Variants in ADAMTS2 observed in about 807,000 individuals in gnomAD.
ADAMTS2 encodes ADAM metallopeptidase with thrombospondin type 1 motif 2.
A neutral mutation model predicts 123.0 loss-of-function variants in ADAMTS2; 50 were observed. The ratio of observed to expected loss-of-function variants is 0.41; its 90% CI spans 0.32 to 0.51. The LOEUF is 0.51. Among genes scored for constraint, ADAMTS2 ranks in the 20% least tolerant of loss-of-function variants. The probability of loss-of-function intolerance (pLI) is 0.35; values close to 1 mark genes in which losing one functional copy is unlikely to be tolerated. For missense variants in ADAMTS2, 1,494 were observed against 1,705.2 expected, an observed-to-expected ratio of 0.88 and a Z score of 2.18; for synonymous variants, 678 against 695.4, an observed-to-expected ratio of 0.98 and a Z score of 0.39.
chr5:179,134,795 AGCCCCCAGC>A (rs1763026371), intron 13 of ADAMTS2, among the ~76,000 whole-genome samples: 9 of 26,376 alleles, frequency 3.4e-4, no homozygotes, highest in Non-Finnish European at 6.0e-4. Flanking sequence ...TCCCGGCTCC[AGCCCCCAGC>A]TCCCGGCTCC....
intron 3 of ADAMTS2, among the ~76,000 whole-genome samples, chr5:179,214,111 TAGGA>T (rs1308919782): frequency 1.1e-3 from 160 of 149,990 alleles, no homozygotes; most frequent in African/African-American, 3.8e-3. Flanking sequence ...TGAGACACAT[TAGGA>T]CACAACTCAA....
chr5:179,309,240 C>T (rs903796295), intron 2 of ADAMTS2, among the ~76,000 whole-genome samples: 9 of 152,212 alleles, frequency 5.9e-5, no homozygotes, highest in Admixed American at 3.3e-4. Context: ...TGGGGCAGAC[C>T]CAGTCCCACT....
At chr5:179,249,038 C>A (rs401795) in intron 3 of ADAMTS2, among the ~76,000 whole-genome samples, 1 of 152,160 alleles carries the variant, frequency 6.6e-6, no homozygotes, top group Non-Finnish European at 1.5e-5. Context: ...TACAAAGCAT[C>A]TTCTCCAACC....
chr5:179,134,062 C>T (rs187199868), intron 13 of ADAMTS2, among the ~76,000 whole-genome samples: 106 of 152,286 alleles, frequency 7.0e-4, no homozygotes, highest in African/African-American at 2.0e-3. Context: ...GCCACACCCA[C>T]GGAGACAGTG....
Position 179,315,627 on chromosome 5 carries a change from C to T in ADAMTS2, c.534+28140G>A, listed in dbSNP as rs573745630. On this transcript the variant is annotated intron_variant, in intron 2 of 21. Coordinates refer to ENST00000251582, the MANE Select transcript of ADAMTS2 (RefSeq NM_014244.5). ...CGCAGGTACTACGTTCTAGAGACGC[C>T]GTACCCAGGACCGCCCATGGCACGC... 1.2e-4 allele frequency among the ~76,000 whole-genome samples: 18 copies of T among 152,322 alleles called. 2 individuals are homozygous for T. In the South Asian group the frequency reaches 3.1e-3, roughly 26 times the overall value.
intron 5 of ADAMTS2, among the ~76,000 whole-genome samples, chr5:179,164,963 G>A (rs942485516): frequency 2.6e-5 from 4 of 152,192 alleles, no homozygotes; most frequent in Admixed American, 6.5e-5. Flanking sequence ...CAGAGACATC[G>A]GGGCAGCTGG....
chr5:179,135,980 G>A lies in ADAMTS2; in HGVS notation c.2014C>T (p.Arg672Cys), dbSNP rs1253830096. 2 of 1,613,294 alleles carry A rather than the reference G, an allele frequency of 1.2e-6. No individual in the cohort carries two copies. Among genetic ancestry groups the A allele is most frequent in the African/African-American group, 1.3e-5 (1 of 74,894 alleles). ...CAGCGCGTCCCGTCATGCACCATGC[G>A]CTTCATGGACACCACCTCCCCGGTC... is the stretch of plus-strand genomic sequence containing the variant. ...RETGEVVSMKRMVHDGTRCSY... is the reference protein window; with the variant it reads ...RETGEVVSMKCMVHDGTRCSY... Residue 672 changes from arginine to cysteine, a missense_variant, in exon 13 of 22, where the codon CGC becomes TGC. Transcript: ENST00000251582.
intron 5 of ADAMTS2, among the ~76,000 whole-genome samples, chr5:179,178,458 C>A (rs897716120): frequency 4.6e-5 from 7 of 152,264 alleles, no homozygotes; most frequent in Non-Finnish European, 7.3e-5. Context: ...CTCCACTGAT[C>A]ATCCCTGGAC....
Position 179,154,206 on chromosome 5 carries a change from G to A in ADAMTS2, c.1239-14C>T. Reference sequence around the variant, plus strand: ...TCCATGCCCAGCCTGCGAGGGCCGAGGCAGCTGGCTGAATCCCACTGGCAC... The same window carrying A: ...TCCATGCCCAGCCTGCGAGGGCCGAAGCAGCTGGCTGAATCCCACTGGCAC... On this transcript the variant is annotated splice_polypyrimidine_tract_variant and intron_variant, in intron 7 of 21. Coordinates refer to ENST00000251582, the MANE Select transcript of ADAMTS2 (RefSeq NM_014244.5). 6.5e-7 allele frequency: 1 copy of A among 1,544,864 alleles called. No individual in the cohort carries two copies. The highest frequency in any genetic ancestry group is 8.7e-7 in the Non-Finnish European group (1 of 1,151,660).
rs1762947791 is a variant in ADAMTS2, at chr5:179,130,802, C to T, written c.2291-704G>A. ...ATTCCCTGTCACGTCCCCTGTAATT[C>T]TGTCCACTCACAAACAAAGCCTCTG... On this transcript the variant is annotated intron_variant, in intron 15 of 21. Coordinates refer to ENST00000251582, the MANE Select transcript of ADAMTS2 (RefSeq NM_014244.5). This position sits in a 1 kb window ranked among gnomAD's most constrained non-coding sequence, Gnocchi z 4.3. 1.3e-5 allele frequency among the ~76,000 whole-genome samples: 2 copies of T among 152,208 alleles called. No individual in the cohort carries two copies. Among genetic ancestry groups the T allele is most frequent in the South Asian group, 2.1e-4 (1 of 4,830 alleles).
chr5:179,292,077 G>A (rs191766751), intron 2 of ADAMTS2, among the ~76,000 whole-genome samples: 37 of 152,046 alleles, frequency 2.4e-4, no homozygotes, highest in African/African-American at 7.5e-4. Context: ...AGATGAGGAC[G>A]TATGGCTCAC....
rs147365846 is a variant in ADAMTS2 at position 179,169,369 on chromosome 5, G to C, written c.976-10490C>G. Among the ~76,000 whole-genome samples the C allele has an allele frequency of 3.7e-3, 568 of 152,294 alleles. 6 individuals are homozygous for C. Among genetic ancestry groups the C allele is most frequent in the East Asian group, 0.024 (122 of 5,164 alleles). On this transcript the variant is annotated intron_variant, in intron 5 of 21. Transcript: ENST00000251582. Reference sequence around the variant, plus strand: ...AACAGTGAGTAACACAATTCCATTGGTTATAAATTACTCAGTCTAAGGTAT... The same window carrying C: ...AACAGTGAGTAACACAATTCCATTGCTTATAAATTACTCAGTCTAAGGTAT...
At chr5:179,325,955 A>G (rs1757303836) in intron 2 of ADAMTS2, among the ~76,000 whole-genome samples, 1 of 152,190 alleles carries the variant, frequency 6.6e-6, no homozygotes, top group Non-Finnish European at 1.5e-5. Flanking sequence ...TTCACTCCCA[A>G]AGGAGAACGG....
intron 4 of ADAMTS2, among the ~76,000 whole-genome samples, chr5:179,198,769 G>A (rs781445013): frequency 3.9e-5 from 6 of 151,986 alleles, no homozygotes; most frequent in African/African-American, 7.3e-5. Flanking sequence ...GAGAGGTGGC[G>A]GTTGCAGTGA....
At chr5:179,183,494 A>T (rs1764097278) in intron 4 of ADAMTS2, among the ~76,000 whole-genome samples, 1 of 152,206 alleles carries the variant, frequency 6.6e-6, no homozygotes, top group African/African-American at 2.4e-5. Flanking sequence ...GCTGCCTGGG[A>T]CCTGAGAGGG....
Position 179,208,004 on chromosome 5 carries a change from C to T in ADAMTS2, c.689-289G>A, listed in dbSNP as rs416646. Among the ~76,000 whole-genome samples, 60,426 of 151,954 alleles carry T rather than the reference C, an allele frequency of 0.4. 12,710 individuals carry two copies. The highest frequency in any genetic ancestry group is 0.52 in the East Asian group (2,687 of 5,140). ...AGCAGGGGCCACAGTGGCCTCCACACGATGGATCAGACCTGCTGAGACTGT... is the reference window on the plus strand; with the variant it reads ...AGCAGGGGCCACAGTGGCCTCCACATGATGGATCAGACCTGCTGAGACTGT... On this transcript the variant is annotated intron_variant, in intron 3 of 21. Transcript: ENST00000251582.
chr5:179,154,028 G>A, intron 8 of ADAMTS2, 21 bp downstream of exon 8: 1 of 1,590,610 alleles, frequency 6.3e-7, no homozygotes. Flanking sequence ...GTCGCCCACG[G>A]GGCACATGGG....
At chr5:179,320,338 C>T (rs181019471) in intron 2 of ADAMTS2, among the ~76,000 whole-genome samples, 41 of 152,300 alleles carry the variant, frequency 2.7e-4, no homozygotes, top group Non-Finnish European at 5.3e-4. Context: ...GACGGAGTCT[C>T]GCTCTGTCAC....
chr5:179,341,159 G>T (rs754012474), intron 2 of ADAMTS2, among the ~76,000 whole-genome samples: 1 of 152,168 alleles, frequency 6.6e-6, no homozygotes, highest in Non-Finnish European at 1.5e-5. Context: ...TAGCAAAGAA[G>T]CCTATCGTGG....
Sources: gnomAD v4.1 joint callset for allele counts (sites outside exome capture counted in the v4.1 genomes callset) on GRCh38, gnomAD v4.1.1 for gene constraint, Gnocchi (gnomAD v3.1) non-coding constraint, MANE v1.5 for transcripts, NCBI Gene and HGNC (gene_info 2026-07-23, HGNC 2026-07-21) for gene names.